PDE1C: variants seen among roughly 807,000 people sequenced by gnomAD.
PDE1C encodes phosphodiesterase 1C.
A neutral mutation model predicts 93.1 loss-of-function variants in PDE1C; 62 were observed. The ratio of observed to expected loss-of-function variants is 0.67; its 90% CI spans 0.54 to 0.82. The LOEUF (loss-of-function observed/expected upper bound fraction) is 0.82. Ranked by LOEUF, PDE1C falls within the 40% of genes least tolerant of loss-of-function variation. The pLI is 0.00. For synonymous variants in PDE1C, 325 were observed against 310.1 expected (o/e 1.05, Z -0.50); for missense variants, 742 against 884.6 (o/e 0.84, Z 2.04).
At chr7:31,986,504 C>A (rs1180220867) in intron 2 of PDE1C, among the ~76,000 whole-genome samples, 1 of 152,062 alleles carries the variant, frequency 6.6e-6, no homozygotes, top group Non-Finnish European at 1.5e-5. Flanking sequence ...TATTTGGAAG[C>A]TGGATTTTTG....
At chr7:31,664,960 C>T in the PDE1C span, among the ~76,000 whole-genome samples, 4 of 152,188 alleles carry the variant, frequency 2.6e-5, no homozygotes, top group Non-Finnish European at 5.9e-5. Flanking sequence ...TTAAGAATCT[C>T]CAAAGGCTCT....
intron 3 of PDE1C, among the ~76,000 whole-genome samples, chr7:32,119,553 T>C (rs1458341240): frequency 2.0e-5 from 3 of 151,954 alleles, no homozygotes; most frequent in Non-Finnish European, 1.5e-5. Context: ...AAAAGAACCA[T>C]AATAGCGTGT....
chr7:32,216,773 G>A (rs534230511), intron 1 of PDE1C, among the ~76,000 whole-genome samples: 5 of 152,154 alleles, frequency 3.3e-5, no homozygotes, highest in Admixed American at 6.5e-5. Flanking sequence ...CAAACCCTAT[G>A]TAAACCCAGG....
the PDE1C span, among the ~76,000 whole-genome samples, chr7:31,646,576 G>A: frequency 1.3e-5 from 2 of 152,322 alleles, no homozygotes; most frequent in Admixed American, 1.3e-4. Context: ...GTGGACCCGA[G>A]CTCTTCTTAT....
At chr7:32,012,745 C>A (rs1044892249) in intron 2 of PDE1C, among the ~76,000 whole-genome samples, 1 of 152,042 alleles carries the variant, frequency 6.6e-6, no homozygotes, top group African/African-American at 2.4e-5. Context: ...TAAATATGTG[C>A]TATTTATTGT....
intron 3 of PDE1C, among the ~76,000 whole-genome samples, chr7:32,121,141 A>T (rs1483967802): frequency 1.3e-5 from 2 of 152,204 alleles, no homozygotes; most frequent in African/African-American, 4.8e-5. Flanking sequence ...GAGTTTGAAG[A>T]CCACCTTGCT....
At chr7:32,147,186 GA>G (rs200528546) in intron 3 of PDE1C, among the ~76,000 whole-genome samples, 1 of 141,344 alleles carries the variant, frequency 7.1e-6, no homozygotes, top group East Asian at 2.1e-4. Flanking sequence ...ATTGTTTTCA[GA>G]AAAAAAAAGA....
chr7:31,997,817 G>A (rs1002926773), intron 2 of PDE1C, among the ~76,000 whole-genome samples: 3 of 152,056 alleles, frequency 2.0e-5, no homozygotes, highest in South Asian at 2.1e-4. Flanking sequence ...CAAAGAAAAC[G>A]TACATGTGAC....
intron 2 of PDE1C, among the ~76,000 whole-genome samples, chr7:32,198,460 G>A (rs558922558): frequency 1.3e-5 from 2 of 152,302 alleles, no homozygotes; most frequent in South Asian, 4.1e-4. Flanking sequence ...AGAGATAGAA[G>A]TTTATATCTC....
chr7:31,973,084 T>C (rs979573752), intron 2 of PDE1C, among the ~76,000 whole-genome samples: 1 of 152,102 alleles, frequency 6.6e-6, no homozygotes, highest in Non-Finnish European at 1.5e-5. Flanking sequence ...AAATGGAAAT[T>C]ATGAGACTTA....
At chr7:31,646,254 A>T in the PDE1C span, among the ~76,000 whole-genome samples, 2 of 152,308 alleles carry the variant, frequency 1.3e-5, no homozygotes, top group African/African-American at 4.8e-5. Flanking sequence ...AGAGAGCATG[A>T]CTGGTCAGTA....
At chr7:31,944,212 C>G (rs1806266934) in intron 2 of PDE1C, among the ~76,000 whole-genome samples, 1 of 152,192 alleles carries the variant, frequency 6.6e-6, no homozygotes, top group Non-Finnish European at 1.5e-5. Context: ...CAGGGTCGTC[C>G]TCATCCTACT....
intron 2 of PDE1C, among the ~76,000 whole-genome samples, chr7:31,996,593 G>A (rs369052378): frequency 6.6e-6 from 1 of 152,174 alleles, no homozygotes; most frequent in Admixed American, 6.5e-5. Context: ...GCCTCAAGGG[G>A]CTTGTCCTAC....
At chr7:32,412,181 G>A (rs971563317) in intron 1 of PDE1C, among the ~76,000 whole-genome samples, 16 of 152,124 alleles carry the variant, frequency 1.1e-4, no homozygotes, top group Admixed American at 2.6e-4. Flanking sequence ...ACGGCTGGGC[G>A]CGGTGGCTCA....
At chr7:31,824,479 C>T (rs971339947) in intron 13 of PDE1C, among the ~76,000 whole-genome samples, 6 of 152,070 alleles carry the variant, frequency 3.9e-5, no homozygotes, top group African/African-American at 1.4e-4. Flanking sequence ...TTCTCTACTT[C>T]ATTCTTTGTG....
chr7:32,055,713 AT>A lies in PDE1C; in HGVS notation c.102-4134del, dbSNP rs903154950. Reference sequence around the variant, plus strand: ...ACTCGCAATCTGAAAGACAAAGGGAATTTTTTTTTGCTTTGTTTTGTTTTTG... The same window carrying A: ...ACTCGCAATCTGAAAGACAAAGGGAATTTTTTTTGCTTTGTTTTGTTTTTG... On this transcript the variant is annotated intron_variant, in intron 1 of 17. Coordinates refer to ENST00000396191, the MANE Select transcript of PDE1C (RefSeq NM_001191057.4). Among the ~76,000 whole-genome samples, 10 of 151,774 alleles carry A rather than the reference AT, an allele frequency of 6.6e-5. No individual in the cohort carries two copies. The South Asian group carries it at 8.4e-4, about 13-fold the overall frequency.
At chr7:32,188,719 A>C (rs928125660) in intron 2 of PDE1C, among the ~76,000 whole-genome samples, 1 of 151,994 alleles carries the variant, frequency 6.6e-6, no homozygotes, top group Non-Finnish European at 1.5e-5. Flanking sequence ...AGTCTTTAGG[A>C]TGGTATTTTC....
At chr7:32,315,399 AAGACAGC>A in intron 1 of PDE1C, among the ~76,000 whole-genome samples, 1 of 152,088 alleles carries the variant, frequency 6.6e-6, no homozygotes, top group Non-Finnish European at 1.5e-5. Flanking sequence ...GGAAAGGAGG[AAGACAGC>A]AGACAGGAAG....
intron 2 of PDE1C, among the ~76,000 whole-genome samples, chr7:31,996,706 C>T (rs955368224): frequency 6.6e-6 from 1 of 152,200 alleles, no homozygotes; most frequent in African/African-American, 2.4e-5. Flanking sequence ...CTCTCTGCTG[C>T]TGCACATTGT....
Sources: allele counts gnomAD v4.1 joint callset (sites outside exome capture counted in the v4.1 genomes callset), GRCh38; gene constraint gnomAD v4.1.1; transcripts MANE v1.5; gene names NCBI Gene and HGNC (gene_info 2026-07-23, HGNC 2026-07-21).